Variants in TNRC6A observed in about 807,000 individuals in gnomAD.
TNRC6A encodes the protein trinucleotide repeat-containing gene 6A protein.
In TNRC6A, 44 loss-of-function variants were observed where a neutral mutation model predicts 221.2. That is an observed-to-expected ratio of 0.20 (90% CI 0.16 to 0.26). The LOEUF (loss-of-function observed/expected upper bound fraction) is 0.26. Among genes scored for constraint, TNRC6A ranks in the 10% least tolerant of loss-of-function variants. The pLI is 1.00. For synonymous variants in TNRC6A, 847 were observed against 838.5 expected (o/e 1.01, Z -0.18); for missense variants, 2,199 against 2,404.4 (o/e 0.91, Z 1.79).
chr16:24,747,079 A>AATGTACC (rs74275940), intron 2 of TNRC6A, among the ~76,000 whole-genome samples: 111,939 of 151,252 alleles, frequency 0.74, 41,580 homozygotes, highest in East Asian at 0.89. Flanking sequence ...TGTTGTGTGG[A>AATGTACC]ATCCTAATCT....
chr16:24,691,755 G>A (rs2055760168), intron 2 of TNRC6A, among the ~76,000 whole-genome samples: 1 of 146,956 alleles, frequency 6.8e-6, no homozygotes, highest in Non-Finnish European at 1.5e-5. Flanking sequence ...GCAACAGAGT[G>A]AGACTCTGTC....
chr16:24,693,153 C>T lies in TNRC6A; in HGVS notation n.402+52144C>T, dbSNP rs540926181. On this transcript the variant is annotated intron_variant and non_coding_transcript_variant, in intron 2 of 2. Coordinates refer to the TNRC6A transcript ENST00000566108. Reference sequence around the variant, plus strand: ...CCCTTGTTCTAAGAAGGACACCAAACTTTGTGTTCTCTCACGAGAAGAGGG... The same window carrying T: ...CCCTTGTTCTAAGAAGGACACCAAATTTTGTGTTCTCTCACGAGAAGAGGG... 1.1e-4 allele frequency among the ~76,000 whole-genome samples: 17 copies of T among 152,166 alleles called. No homozygotes were observed. In the Middle Eastern group the frequency reaches 0.01, roughly 91 times the overall value.
chr16:24,725,985 G>A (rs1310055654), upstream of TNRC6A, among the ~76,000 whole-genome samples: 1 of 149,440 alleles, frequency 6.7e-6, no homozygotes, highest in Non-Finnish European at 1.5e-5. Context: ...GGGTGACGGA[G>A]CAAGACTATG....
At chr16:24,796,370 A>C (rs2058219348) in intron 9 of TNRC6A, 1 of 158,742 alleles carries the variant, frequency 6.3e-6, no homozygotes, top group African/African-American at 2.4e-5. Context: ...TAAATTACTA[A>C]TTTTAAAAGA....
At chr16:24,642,761 G>A (rs994414810) in intron 2 of TNRC6A, among the ~76,000 whole-genome samples, 2 of 152,010 alleles carry the variant, frequency 1.3e-5, no homozygotes, top group Non-Finnish European at 2.9e-5. Flanking sequence ...TGGAGGTTGC[G>A]GTGAGCTGAG....
At chr16:24,694,901 C>G (rs763994840) in intron 2 of TNRC6A, among the ~76,000 whole-genome samples, 4 of 152,144 alleles carry the variant, frequency 2.6e-5, no homozygotes, top group African/African-American at 7.2e-5. Flanking sequence ...CGACTGCACT[C>G]CAGCCTGAGT....
intron 4 of TNRC6A, among the ~76,000 whole-genome samples, chr16:24,771,078 GACTT>G (rs543862347): frequency 6.6e-6 from 1 of 152,212 alleles, no homozygotes; most frequent in South Asian, 2.1e-4. Flanking sequence ...ATGTTAGAGA[GACTT>G]ACAGAAATGT....
At chr16:24,716,461 G>C (rs2056314647) in intron 2 of TNRC6A, among the ~76,000 whole-genome samples, 1 of 152,154 alleles carries the variant, frequency 6.6e-6, no homozygotes, top group Non-Finnish European at 1.5e-5. Flanking sequence ...TTGAGGCCAG[G>C]AGTTTGAGAC....
chr16:24,788,899 C>T (rs2058032608), intron 5 of TNRC6A, among the ~76,000 whole-genome samples: 1 of 152,186 alleles, frequency 6.6e-6, no homozygotes, highest in Non-Finnish European at 1.5e-5. Flanking sequence ...CCACCCACCT[C>T]GGCCTTCCAG....
At chr16:24,807,108 C>G (rs150240882) in intron 17 of TNRC6A, among the ~76,000 whole-genome samples, 2 of 151,576 alleles carry the variant, frequency 1.3e-5, no homozygotes, top group Non-Finnish European at 2.9e-5. Flanking sequence ...CGGGTTCAAG[C>G]GATTCTCGCA....
At chr16:24,746,195 T>C (rs889337322) in intron 2 of TNRC6A, among the ~76,000 whole-genome samples, 1 of 152,220 alleles carries the variant, frequency 6.6e-6, no homozygotes, top group African/African-American at 2.4e-5. Context: ...ACCAAATGTT[T>C]GCTTGTTTTC....
At chr16:24,615,927 A>C (rs1177568667) in intron 1 of TNRC6A, among the ~76,000 whole-genome samples, 1 of 145,250 alleles carries the variant, frequency 6.9e-6, no homozygotes, top group Non-Finnish European at 1.5e-5. Flanking sequence ...AGGTATGGTA[A>C]CACAAATGTA....
intron 3 of TNRC6A, 90 bp downstream of exon 3, chr16:24,750,903 A>G (rs2057122923): frequency 8.3e-7 from 1 of 1,207,682 alleles, no homozygotes; most frequent in African/African-American, 1.6e-5. Flanking sequence ...CATTTATTTG[A>G]TTTAATGTTT....
At chr16:24,820,110 C>T (rs1287161296) in intron 21 of TNRC6A, 29 bp from the exon 22 acceptor site, 7 of 1,579,836 alleles carry the variant, frequency 4.4e-6, no homozygotes, top group Non-Finnish European at 5.2e-6. Context: ...ATTATTCCTC[C>T]CCTCTCCATT....
chr16:24,650,901 A>G (rs1437990383), intron 2 of TNRC6A, among the ~76,000 whole-genome samples: 1 of 152,222 alleles, frequency 6.6e-6, no homozygotes, highest in Non-Finnish European at 1.5e-5. Context: ...AATTTTAAAA[A>G]TTAAGGAAAC....
chr16:24,729,713 GGCGGCA>G lies in TNRC6A; in HGVS notation c.-124_-119del, dbSNP rs990932723. On this transcript the variant is annotated 5_prime_UTR_variant, in exon 1 of 25. Coordinates refer to ENST00000395799, the MANE Select transcript of TNRC6A (RefSeq NM_014494.4). ...CGGCGGCGGCGGCGGCGGCGGCGGC[GGCGGCA>G]GCGGGTCGGTGTAGAAAATGGCGCT... 1.1e-5 allele frequency: 12 copies of G among 1,117,308 alleles called. No homozygotes were observed. In the African/African-American group the frequency reaches 1.7e-4, roughly 15 times the overall value. The allele number at this position is 1,117,308 out of a possible 1,614,324, so 69.2% of individuals were successfully genotyped here.
intron 2 of TNRC6A, among the ~76,000 whole-genome samples, chr16:24,643,863 G>A (rs556470232): frequency 3.3e-5 from 5 of 152,236 alleles, no homozygotes; most frequent in African/African-American, 1.2e-4. Flanking sequence ...CTGGGAGGAA[G>A]GATCTAATTG....
chr16:24,637,020 G>T (rs913627051), intron 1 of TNRC6A, among the ~76,000 whole-genome samples: 2 of 151,760 alleles, frequency 1.3e-5, no homozygotes, highest in East Asian at 3.9e-4. Context: ...TGTTGCAGGG[G>T]TTTTTTTTGT....
chr16:24,637,322 C>T (rs974577705), intron 1 of TNRC6A, among the ~76,000 whole-genome samples: 2 of 152,152 alleles, frequency 1.3e-5, no homozygotes, highest in South Asian at 2.1e-4. Context: ...CGTGAGCCAT[C>T]GTGCCCAGCC....
Sources: gnomAD v4.1 joint callset for allele counts (sites outside exome capture counted in the v4.1 genomes callset) on GRCh38, gnomAD v4.1.1 for gene constraint, MANE v1.5 for transcripts, NCBI Gene and HGNC (gene_info 2026-07-23, HGNC 2026-07-21) for gene names.